The following DLG3 variants were observed in gnomAD, a reference collection of about 807,000 sequenced individuals.
DLG3 encodes the protein disks large homolog 3.
In DLG3, 1 loss-of-function variant was observed where a neutral mutation model predicts 64.1. The observed-to-expected ratio is 0.02, with a 90% CI of 0.01 to 0.07. The LOEUF is 0.07. Ranked by LOEUF, DLG3 falls within the 10% of genes least tolerant of loss-of-function variation. The probability of loss-of-function intolerance (pLI) is 1.00; values close to 1 mark genes in which losing one functional copy is unlikely to be tolerated. For missense variants in DLG3, 429 were observed against 669.5 expected (o/e 0.64, Z 3.96); for synonymous variants, 245 against 259.8 (o/e 0.94, Z 0.55).
At chrX:70,473,580 C>G (rs777466247) in intron 9 of DLG3, among the ~76,000 whole-genome samples, 10 of 111,554 alleles carry the variant, frequency 9.0e-5, no homozygotes, top group Non-Finnish European at 1.9e-4. Flanking sequence ...AGTAGACATT[C>G]AGTAATTTTT....
At chrX:70,482,662 G>GTTTTTTTTTTTTTTTTTT (rs774419870) in intron 10 of DLG3, among the ~76,000 whole-genome samples, 4 of 66,089 alleles carry the variant, frequency 6.1e-5, no homozygotes, top group African/African-American at 1.2e-4. Flanking sequence ...CATGTGTGGT[G>GTTTTTTTTTTTTTTTTTT]TTTTTTTTTT....
chrX:70,449,505 G>A (rs1173120501), intron 3 of DLG3, 22 bp downstream of exon 3: 1 of 1,200,469 alleles, frequency 8.3e-7, no homozygotes, highest in Non-Finnish European at 1.1e-6. Context: ...TGGAAGCAGG[G>A]TTGTGGGTGG....
Position 70,504,834 on chromosome X carries a change from C to T in DLG3, c.*2565C>T, listed in dbSNP as rs767047286. The T allele has an allele frequency of 3.6e-5, 4 of 112,350 alleles. No individual in the cohort carries two copies. Among genetic ancestry groups the T allele is most frequent in the Non-Finnish European group, 7.5e-5 (4 of 53,220 alleles). The allele number at this position is 112,350 out of a possible 1,213,427, so 9.3% of individuals were successfully genotyped here. ...TTGCAGAGCAGGACAGCAGTCATCC[C>T]CATAGCCCTCTGAGGAGGGGAGGGA... On this transcript the variant is annotated 3_prime_UTR_variant, in exon 19 of 19. Coordinates refer to ENST00000374360, the MANE Select transcript of DLG3 (RefSeq NM_021120.4).
intron 9 of DLG3, among the ~76,000 whole-genome samples, chrX:70,464,349 A>G (rs2086854092): frequency 1.8e-5 from 2 of 108,487 alleles, no homozygotes. Flanking sequence ...TGTAGCCTCA[A>G]TTTCCTGAGC....
intron 9 of DLG3, among the ~76,000 whole-genome samples, chrX:70,470,341 G>A (rs984277081): frequency 9.1e-6 from 1 of 109,940 alleles, no homozygotes; most frequent in African/African-American, 3.3e-5. Flanking sequence ...AGCGATTCTC[G>A]TGCCTCAGCC....
At chrX:70,492,734 C>A in intron 12 of DLG3, 138 bp downstream of exon 12, 1 of 575,050 alleles carries the variant, frequency 1.7e-6, no homozygotes, top group Non-Finnish European at 2.9e-6. Context: ...CCTATCAGAA[C>A]ATTGACTGCT....
At chrX:70,500,865 G>T in intron 17 of DLG3, 33 bp from the exon 18 acceptor site, 1 of 1,117,010 alleles carries the variant, frequency 9.0e-7, no homozygotes, top group Non-Finnish European at 1.2e-6. Flanking sequence ...CATAAGATCT[G>T]GTTCAGAACT....
At chrX:70,479,019 A>C (rs1451509324) in intron 9 of DLG3, 131 bp from the exon 10 acceptor site, 9 of 556,205 alleles carry the variant, frequency 1.6e-5, no homozygotes, top group Non-Finnish European at 2.8e-5. Flanking sequence ...TATCAAAGCA[A>C]AGACTGAGTG....
chrX:70,452,720 G>A (rs1467147460), intron 7 of DLG3: 2 of 1,199,523 alleles, frequency 1.7e-6, no homozygotes, highest in African/African-American at 1.7e-5. Context: ...GGTGGGCCTG[G>A]CCGCTCCGCT....
intron 13 of DLG3, among the ~76,000 whole-genome samples, chrX:70,496,445 G>A (rs1432711601): frequency 8.9e-6 from 1 of 112,624 alleles, no homozygotes; most frequent in Admixed American, 9.3e-5. Context: ...TGCCTCCTAC[G>A]AGCGCTGCTC....
intron 10 of DLG3, among the ~76,000 whole-genome samples, chrX:70,491,632 G>A (rs191748477): frequency 7.7e-4 from 87 of 112,353 alleles, no homozygotes; most frequent in African/African-American, 2.7e-3. Flanking sequence ...TTTTTCTTTG[G>A]CTGCCCGAGG....
At position 70,475,053 on chromosome X, in the gene DLG3, G is replaced by A. The variant is rs367938747; in HGVS notation, c.1406-4097G>A. Among the ~76,000 whole-genome samples, 63 of 110,808 alleles carry A rather than the reference G, an allele frequency of 5.7e-4. 1 individual carries two copies. In the East Asian group the frequency reaches 0.013, roughly 22 times the overall value. On this transcript the variant is annotated intron_variant, in intron 9 of 18. Coordinates refer to ENST00000374360, the MANE Select transcript of DLG3 (RefSeq NM_021120.4). Reference sequence around the variant, plus strand: ...CTCAAACAAATATACAGTGCAGGCCGGGCATGGTGGCTCATGCCTGTAATC... The same window carrying A: ...CTCAAACAAATATACAGTGCAGGCCAGGCATGGTGGCTCATGCCTGTAATC...
chrX:70,445,286 G>A lies in DLG3; in HGVS notation c.85G>A (p.Gly29Ser), dbSNP rs1331256114. The change falls in exon 1 of 19, where the codon GGC becomes AGC. Residue 29 changes from glycine (G) to serine (S), a missense_variant. This residue lies in a region of DLG3 where 123 missense variants were observed against 113.3 expected (regional missense o/e 1.09). Coordinates refer to ENST00000374360, the MANE Select transcript of DLG3 (RefSeq NM_021120.4). ...LAALRRLEPPGYGDWQVPDPY... is the reference protein window; with the variant it reads ...LAALRRLEPPSYGDWQVPDPY... ...CGCCCTGCGGCGCCTCGAGCCTCCG[G>A]GCTACGGCGACTGGCAAGTCCCCGA... The A allele has an allele frequency of 1.8e-5, 21 of 1,163,999 alleles. No individual in the cohort carries two copies. Among genetic ancestry groups the A allele is most frequent in the Non-Finnish European group, 2.2e-5 (19 of 873,125 alleles).
Position 70,451,043 on chromosome X carries a change from A to G in DLG3, c.985+260A>G, listed in dbSNP as rs1032026489. 9 of 415,438 alleles carry G rather than the reference A, an allele frequency of 2.2e-5. No homozygotes were observed. In the African/African-American group the frequency reaches 2.2e-4, roughly 10 times the overall value. The allele number at this position is 415,438 out of a possible 1,213,427, so 34.2% of individuals were successfully genotyped here. On this transcript the variant is annotated intron_variant, in intron 6 of 18. Coordinates refer to ENST00000374360, the MANE Select transcript of DLG3 (RefSeq NM_021120.4). Reference sequence around the variant, plus strand: ...GGAGAGTGAATTTTAAAAAGAGGAGAGAGAGAAGCCGCAGAGGATAGTGCA... The same window carrying G: ...GGAGAGTGAATTTTAAAAAGAGGAGGGAGAGAAGCCGCAGAGGATAGTGCA...
At position 70,503,058 on chromosome X, in the gene DLG3, G is replaced by C. The variant is rs915082272; in HGVS notation, c.*789G>C. On this transcript the variant is annotated 3_prime_UTR_variant, in exon 19 of 19. Coordinates refer to ENST00000374360, the MANE Select transcript of DLG3 (RefSeq NM_021120.4). Reference sequence around the variant, plus strand: ...GGAGGGGTCAGCCTGAGGCCGGAGAGGAAGGGCTTTTGCCTGGGGTGAGAG... The same window carrying C: ...GGAGGGGTCAGCCTGAGGCCGGAGACGAAGGGCTTTTGCCTGGGGTGAGAG... 1 of 111,118 alleles carries C rather than the reference G, an allele frequency of 9.0e-6. No homozygotes were observed. The highest frequency in any genetic ancestry group is 3.8e-4 in the South Asian group (1 of 2,629). 9.2% of individuals were successfully genotyped at this position (111,118 alleles called of 1,213,427 possible).
At position 70,504,061 on chromosome X, in the gene DLG3, G is replaced by A; in HGVS notation, c.*1792G>A. ...TTAACAGTTGTCCAACCAGCAGAAT[G>A]AGGCTAACTGTATAAAGCATGGGAC... On this transcript the variant is annotated 3_prime_UTR_variant, in exon 19 of 19. Coordinates refer to ENST00000374360, the MANE Select transcript of DLG3 (RefSeq NM_021120.4). 1 of 112,146 alleles carries A rather than the reference G, an allele frequency of 8.9e-6. No homozygotes were observed. The highest frequency in any genetic ancestry group is 3.8e-4 in the South Asian group (1 of 2,623). The allele number at this position is 112,146 out of a possible 1,213,427, so 9.2% of individuals were successfully genotyped here.
At chrX:70,451,164 C>T (rs1276709064) in intron 6 of DLG3, 4 of 197,772 alleles carry the variant, frequency 2.0e-5, no homozygotes, top group East Asian at 1.3e-4. Context: ...TGCAGTGGCA[C>T]GATGTCAGCT....
At chrX:70,500,257 C>T (rs1299974502) in intron 16 of DLG3, among the ~76,000 whole-genome samples, 1 of 111,570 alleles carries the variant, frequency 9.0e-6, no homozygotes, top group Non-Finnish European at 1.9e-5. Flanking sequence ...AATAGGGGGC[C>T]CTGGACAGAT....
intron 1 of DLG3, among the ~76,000 whole-genome samples, chrX:70,447,941 A>C (rs935222041): frequency 8.9e-6 from 1 of 111,802 alleles, no homozygotes; most frequent in Admixed American, 9.4e-5. Context: ...TCTGCTGCCA[A>C]TCAGCCTGTG....
Sources: allele counts gnomAD v4.1 joint callset (sites outside exome capture counted in the v4.1 genomes callset), GRCh38; gene constraint gnomAD v4.1.1; regional missense constraint gnomAD v4.1.1; transcripts MANE v1.5; gene names NCBI Gene and HGNC (gene_info 2026-07-23, HGNC 2026-07-21).